The following CDH2 variants were observed in gnomAD, a reference collection of about 807,000 sequenced individuals.
The protein encoded by CDH2 is cadherin-2.
Under a neutral mutation model 92.0 loss-of-function variants are expected in CDH2, and 17 were observed. The observed-to-expected ratio is 0.18, with a 90% CI of 0.13 to 0.28. CDH2 has a LOEUF of 0.28. CDH2 is among the 10% of genes least tolerant of loss of function. The pLI is 1.00. For missense variants in CDH2, 862 were observed against 1,133.1 expected (o/e 0.76, Z 3.44); for synonymous variants, 419 against 415.9 (o/e 1.01, Z -0.09).
intron 2 of CDH2, among the ~76,000 whole-genome samples, chr18:28,023,790 T>C (rs2013474319): frequency 6.6e-6 from 1 of 152,208 alleles, no homozygotes; most frequent in African/African-American, 2.4e-5. Context: ...CAATAACTTT[T>C]TAAATTTAAT....
intron 1 of CDH2, among the ~76,000 whole-genome samples, chr18:28,153,779 T>C (rs1254296940): frequency 1.3e-5 from 2 of 152,236 alleles, no homozygotes; most frequent in Admixed American, 6.5e-5. Context: ...GCACTTAGGA[T>C]AGTGTCTGGC....
chr18:28,151,070 A>C (rs1184499942), intron 1 of CDH2, among the ~76,000 whole-genome samples: 2 of 152,212 alleles, frequency 1.3e-5, no homozygotes, highest in Non-Finnish European at 2.9e-5. Context: ...TTCTCCCTGC[A>C]ACCCTACAAG....
chr18:28,021,785 A>G (rs1457395916), intron 2 of CDH2, among the ~76,000 whole-genome samples: 1 of 152,024 alleles, frequency 6.6e-6, no homozygotes, highest in Non-Finnish European at 1.5e-5. Context: ...TATGGTTTCT[A>G]ATTTTTGCTC....
chr18:27,971,890 G>T (rs1346173708), intron 14 of CDH2, among the ~76,000 whole-genome samples: 1 of 152,138 alleles, frequency 6.6e-6, no homozygotes, highest in Admixed American at 6.5e-5. Flanking sequence ...TTTATAAAGC[G>T]ATTATTTCAA....
intron 6 of CDH2, among the ~76,000 whole-genome samples, chr18:27,937,314 A>G (rs1473126563): frequency 6.6e-6 from 1 of 152,196 alleles, no homozygotes; most frequent in Non-Finnish European, 1.5e-5. Flanking sequence ...AGAATTAGAC[A>G]TGACTAAGTT....
chr18:27,956,427 T>A (rs1263137118), intron 15 of CDH2, among the ~76,000 whole-genome samples: 3 of 152,174 alleles, frequency 2.0e-5, no homozygotes, highest in African/African-American at 7.2e-5. Flanking sequence ...GGCGGAGACA[T>A]GCTTTTATGA....
intron 2 of CDH2, among the ~76,000 whole-genome samples, chr18:28,144,468 A>C (rs2016004030): frequency 6.6e-6 from 1 of 152,076 alleles, no homozygotes; most frequent in Admixed American, 6.6e-5. Context: ...CCTTGTAATG[A>C]AGCATGCTAC....
At position 27,988,635 on chromosome 18, in the gene CDH2, G is replaced by A. The variant is rs200478770; in HGVS notation, c.1630C>T (p.Leu544=). Residue 544 remains leucine, a synonymous_variant, in exon 11 of 16, where the codon CTA becomes TTA. Transcript: ENST00000269141. ...YTKLSDPANW[L]KIDPVNGQIT... The stretch of plus-strand genomic sequence containing the variant: ...TGTCCATTCACAGGATCTATTTTTA[G>A]CCAATTGGCAGGATCAGATAATTTA... 1 of 1,607,132 alleles carries A rather than the reference G, an allele frequency of 6.2e-7. No homozygotes were observed. The highest frequency in any genetic ancestry group is 1.1e-5 in the South Asian group (1 of 90,864).
chr18:28,176,947 G>A lies in CDH2; in HGVS notation c.60+16C>T. 3.1e-6 allele frequency: 4 copies of A among 1,289,206 alleles called. No homozygotes were observed. The highest frequency in any genetic ancestry group is 4.5e-5 in the South Asian group (2 of 44,880). 79.9% of individuals were successfully genotyped at this position (1,289,206 alleles called of 1,614,324 possible). ...CCACCCCGCCCGTGGCCCGGCCCGC[G>A]GGGACCGCCGCGTACCTGAAGCAGG... On this transcript the variant is annotated intron_variant, in intron 1 of 15. Coordinates refer to ENST00000269141, the MANE Select transcript of CDH2 (RefSeq NM_001792.5).
chr18:28,149,704 G>C (rs1021038613), intron 1 of CDH2, among the ~76,000 whole-genome samples: 1 of 152,212 alleles, frequency 6.6e-6, no homozygotes, highest in Admixed American at 6.5e-5. Context: ...GGTTACCCCA[G>C]GGGAAGGAAA....
At chr18:27,988,830 G>A (rs1339683345) in intron 10 of CDH2, among the ~76,000 whole-genome samples, 164 bp from the exon 11 acceptor site, 4 of 152,306 alleles carry the variant, frequency 2.6e-5, no homozygotes, top group African/African-American at 9.6e-5. Context: ...CAGTGGTATT[G>A]GGAGGCACAT....
At chr18:28,041,573 C>A (rs1397892497) in intron 2 of CDH2, among the ~76,000 whole-genome samples, 1 of 152,168 alleles carries the variant, frequency 6.6e-6, no homozygotes, top group Non-Finnish European at 1.5e-5. Context: ...AATGCCACAG[C>A]AGTGCACGCA....
intron 2 of CDH2, among the ~76,000 whole-genome samples, chr18:28,022,221 T>C (rs1325077590): frequency 6.6e-6 from 1 of 152,026 alleles, no homozygotes. Flanking sequence ...TTAGTTGCCA[T>C]GTCAGGGCTT....
chr18:28,009,602 C>A, intron 5 of CDH2, 115 bp downstream of exon 5: 1 of 770,218 alleles, frequency 1.3e-6, no homozygotes, highest in South Asian at 3.0e-5. Context: ...ACTACAGATA[C>A]AATTCTTAAA....
chr18:28,051,642 A>G (rs2014193359), intron 2 of CDH2, among the ~76,000 whole-genome samples: 1 of 152,136 alleles, frequency 6.6e-6, no homozygotes, highest in Non-Finnish European at 1.5e-5. Context: ...TACTCAAAAT[A>G]TGTCTCTTAC....
At chr18:27,999,352 C>T (rs1488843525) in intron 7 of CDH2, among the ~76,000 whole-genome samples, 2 of 152,098 alleles carry the variant, frequency 1.3e-5, no homozygotes, top group Non-Finnish European at 1.5e-5. Flanking sequence ...AGCTATGCTA[C>T]CACAGTGGAG....
chr18:28,054,801 C>T (rs2014260527), intron 2 of CDH2, among the ~76,000 whole-genome samples: 1 of 152,194 alleles, frequency 6.6e-6, no homozygotes, highest in African/African-American at 2.4e-5. Context: ...TCCCTCCTCT[C>T]AAACCTTTGT....
intron 15 of CDH2, among the ~76,000 whole-genome samples, chr18:27,956,540 C>T (rs903384635): frequency 2.6e-5 from 4 of 152,172 alleles, no homozygotes; most frequent in Admixed American, 2.0e-4. Flanking sequence ...CCTAGTGCCA[C>T]TGCTTTAGTG....
intron 2 of CDH2, among the ~76,000 whole-genome samples, chr18:28,094,792 TAAAAAAA>T (rs35744873): frequency 1.2e-5 from 1 of 82,386 alleles, no homozygotes; most frequent in Non-Finnish European, 2.2e-5. Context: ...AGACTCTGTC[TAAAAAAA>T]AAAAAAAAAA....
Sources: allele counts gnomAD v4.1 joint callset (sites outside exome capture counted in the v4.1 genomes callset), GRCh38; gene constraint gnomAD v4.1.1; transcripts MANE v1.5; gene names NCBI Gene and HGNC (gene_info 2026-07-23, HGNC 2026-07-21).